Variants in FRMD4A observed in about 807,000 individuals in gnomAD.
FRMD4A encodes FERM domain-containing protein 4A.
Under a neutral mutation model 129.1 loss-of-function variants are expected in FRMD4A, and 29 were observed. The observed-to-expected ratio is 0.22, with a 90% CI of 0.17 to 0.31. The LOEUF is 0.31. Among genes scored for constraint, FRMD4A ranks in the 10% least tolerant of loss-of-function variants. The probability of loss-of-function intolerance (pLI) is 1.00; values close to 1 mark genes in which losing one functional copy is unlikely to be tolerated. For synonymous variants in FRMD4A, 634 were observed against 571.6 expected (o/e 1.11, Z -1.56); for missense variants, 1,272 against 1,375.8 (o/e 0.92, Z 1.19).
intron 2 of FRMD4A, chr10:13,891,799 C>G: frequency 1.1e-6 from 1 of 951,512 alleles, no homozygotes; most frequent in Non-Finnish European, 1.2e-6. Context: ...CGCGGGCCCT[C>G]GGCGTCAGCC....
intron 2 of FRMD4A, among the ~76,000 whole-genome samples, chr10:13,912,645 C>G (rs2094954951): frequency 6.6e-6 from 1 of 151,760 alleles, no homozygotes; most frequent in African/African-American, 2.4e-5. Flanking sequence ...TTTCCTGCCT[C>G]AGCCTCCTGA....
chr10:13,875,289 C>A (rs987340200), intron 2 of FRMD4A, among the ~76,000 whole-genome samples: 2 of 152,182 alleles, frequency 1.3e-5, no homozygotes, highest in African/African-American at 4.8e-5. Context: ...TCAATTTCAT[C>A]ATGAGGCCAA....
intron 2 of FRMD4A, among the ~76,000 whole-genome samples, chr10:14,164,687 C>T (rs1841082955): frequency 1.3e-5 from 2 of 152,144 alleles, no homozygotes; most frequent in Non-Finnish European, 2.9e-5. Context: ...CTCACCATTT[C>T]CATAGATCTG....
chr10:13,831,072 G>A (rs893281823), intron 3 of FRMD4A, among the ~76,000 whole-genome samples: 1 of 152,172 alleles, frequency 6.6e-6, no homozygotes, highest in Non-Finnish European at 1.5e-5. Context: ...TTATAGGTGT[G>A]AGCCACCATG....
chr10:14,087,713 C>G (rs1348220658), intron 2 of FRMD4A: 2 of 152,064 alleles, frequency 1.3e-5, no homozygotes, highest in Admixed American at 1.3e-4. Flanking sequence ...GAAACAGGAA[C>G]GAAATGTGAA....
At chr10:14,207,462 AG>A (rs1216007195) in intron 2 of FRMD4A, among the ~76,000 whole-genome samples, 3 of 152,164 alleles carry the variant, frequency 2.0e-5, no homozygotes, top group African/African-American at 7.2e-5. Flanking sequence ...TCCATGGCCC[AG>A]GGGCTGGGGA....
At chr10:13,652,758 G>C (rs1020780637) in intron 23 of FRMD4A, 6 of 152,254 alleles carry the variant, frequency 3.9e-5, no homozygotes, top group Non-Finnish European at 8.8e-5. Context: ...GTCAAAACTT[G>C]AGTGTGGGTC....
chr10:13,808,366 G>A (rs142209103), intron 4 of FRMD4A, among the ~76,000 whole-genome samples: 3 of 152,260 alleles, frequency 2.0e-5, no homozygotes, highest in East Asian at 1.9e-4. Context: ...TAGAAAACAC[G>A]GTTATAAAAC....
chr10:13,899,434 C>T (rs1391338609), intron 2 of FRMD4A, among the ~76,000 whole-genome samples: 1 of 152,202 alleles, frequency 6.6e-6, no homozygotes, highest in Non-Finnish European at 1.5e-5. Context: ...ATTTAATCAT[C>T]ATGGGATTCC....
At chr10:14,323,639 C>T (rs1843150728) in intron 2 of FRMD4A, among the ~76,000 whole-genome samples, 1 of 152,164 alleles carries the variant, frequency 6.6e-6, no homozygotes, top group South Asian at 2.1e-4. Context: ...CCTGATAATA[C>T]AGCTCTTCCT....
chr10:14,059,493 GA>G (rs1223976215), intron 2 of FRMD4A, among the ~76,000 whole-genome samples: 1 of 152,146 alleles, frequency 6.6e-6, no homozygotes, highest in Non-Finnish European at 1.5e-5. Flanking sequence ...CTCCATGTGT[GA>G]ACTGAGGAAA....
intron 2 of FRMD4A, among the ~76,000 whole-genome samples, chr10:14,296,145 A>G (rs1846001766): frequency 6.6e-6 from 1 of 152,134 alleles, no homozygotes; most frequent in Non-Finnish European, 1.5e-5. Context: ...AATAGAGCCA[A>G]GGGAGACTGG....
At chr10:13,809,366 A>G (rs1298190652) in intron 4 of FRMD4A, among the ~76,000 whole-genome samples, 1 of 152,220 alleles carries the variant, frequency 6.6e-6, no homozygotes, top group African/African-American at 2.4e-5. Context: ...CAATGGGGCT[A>G]TGATTAATTG....
intron 2 of FRMD4A, among the ~76,000 whole-genome samples, chr10:13,989,191 G>A (rs1281870848): frequency 2.6e-5 from 4 of 152,164 alleles, no homozygotes; most frequent in East Asian, 3.9e-4. Context: ...GCGTCTTAGC[G>A]GTAGTGGCTC....
In FRMD4A at chr10:14,065,360, T is replaced by C. The variant is rs550149111; in HGVS notation, c.46-206448A>G. ...CACCATACCTGGATAATTTTTTGTATTTTTAGTAGAGACAGGGTTTCACCA... is the reference window on the plus strand; with the variant it reads ...CACCATACCTGGATAATTTTTTGTACTTTTAGTAGAGACAGGGTTTCACCA... On this transcript the variant is annotated intron_variant, in intron 2 of 24. Coordinates refer to ENST00000357447, the MANE Select transcript of FRMD4A (RefSeq NM_018027.5). Among the ~76,000 whole-genome samples the C allele has an allele frequency of 6.6e-5, 10 of 152,248 alleles. No individual in the cohort carries two copies. In the East Asian group the frequency reaches 1.4e-3, roughly 21 times the overall value.
At position 13,925,566 on chromosome 10, in the gene FRMD4A, CTTTT is replaced by C. The variant is rs66980805; in HGVS notation, c.46-66658_46-66655del. 2.6e-3 allele frequency among the ~76,000 whole-genome samples: 160 copies of C among 61,926 alleles called. 12 individuals carry two copies. The highest frequency in any genetic ancestry group is 4.5e-3 in the South Asian group (5 of 1,100). 40.6% of individuals were successfully genotyped at this position (61,926 alleles called of 152,430 possible). A position where few individuals can be genotyped will look rare whatever the true frequency, so the allele number is the denominator to read the frequency against. On this transcript the variant is annotated intron_variant, in intron 2 of 24. Transcript: ENST00000357447. ...TGAAAGTTTCTATTGTAGTGAAACG[CTTTT>C]TTTTTTTTTTTTTTTTTTTTTTTTT...
At chr10:14,185,841 C>T (rs764417152) in intron 2 of FRMD4A, among the ~76,000 whole-genome samples, 1 of 152,088 alleles carries the variant, frequency 6.6e-6, no homozygotes, top group Non-Finnish European at 1.5e-5. Context: ...GTGGAGACAG[C>T]CATGGCCAGG....
intron 5 of FRMD4A, among the ~76,000 whole-genome samples, chr10:13,786,466 C>T (rs769612378): frequency 8.5e-5 from 13 of 152,072 alleles, no homozygotes; most frequent in South Asian, 2.1e-4. Context: ...ATTAGCCAGG[C>T]GTGGTGGCGG....
chr10:14,299,528 G>C (rs768774473), intron 2 of FRMD4A, among the ~76,000 whole-genome samples: 2 of 152,196 alleles, frequency 1.3e-5, no homozygotes, highest in Non-Finnish European at 2.9e-5. Context: ...TGAAAAGGTT[G>C]AGTAATTTGT....
Sources: allele counts gnomAD v4.1 joint callset (sites outside exome capture counted in the v4.1 genomes callset), GRCh38; gene constraint gnomAD v4.1.1; transcripts MANE v1.5; gene names NCBI Gene and HGNC (gene_info 2026-07-23, HGNC 2026-07-21).